SORCS2: variants seen among roughly 807,000 people sequenced by gnomAD.
SORCS2 encodes the protein VPS10 domain-containing receptor SorCS2.
A neutral mutation model predicts 141.6 loss-of-function variants in SORCS2; 100 were observed. That is an observed-to-expected ratio of 0.71 (90% CI 0.60 to 0.83). SORCS2 has a LOEUF of 0.83. SORCS2 is among the 40% of genes least tolerant of loss of function. The pLI is 0.00. For synonymous variants in SORCS2, 789 were observed against 676.9 expected (o/e 1.17, Z -2.57); for missense variants, 1,646 against 1,560.2 (o/e 1.05, Z -0.93).
chr4:7,683,035 G>C, intron 10 of SORCS2, 146 bp downstream of exon 10: 1 of 1,078,580 alleles, frequency 9.3e-7, no homozygotes, highest in Middle Eastern at 3.1e-4. Context: ...GTGGTAGAGA[G>C]GGTCAAATGA....
At chr4:7,309,351 A>T (rs761350178) in intron 1 of SORCS2, among the ~76,000 whole-genome samples, 18 of 152,084 alleles carry the variant, frequency 1.2e-4, no homozygotes, top group Non-Finnish European at 1.9e-4. Flanking sequence ...AGCTCTTTTT[A>T]TGTACCTGTA....
intron 2 of SORCS2, among the ~76,000 whole-genome samples, chr4:7,524,713 G>C (rs538229229): frequency 6.6e-6 from 1 of 151,738 alleles, no homozygotes; most frequent in Non-Finnish European, 1.5e-5. Flanking sequence ...CTCCTTAACC[G>C]CATCTCTCTT....
intron 1 of SORCS2, among the ~76,000 whole-genome samples, chr4:7,339,378 A>G (rs1720229531): frequency 6.6e-6 from 1 of 152,226 alleles, no homozygotes; most frequent in South Asian, 2.1e-4. Context: ...AGTCAGCCAC[A>G]GCTGCGTAAC....
At chr4:7,412,780 C>T (rs762228316) in intron 2 of SORCS2, among the ~76,000 whole-genome samples, 1 of 152,170 alleles carries the variant, frequency 6.6e-6, no homozygotes, top group East Asian at 1.9e-4. Flanking sequence ...CTCAGCTGTC[C>T]TTTCCCCATG....
At chr4:7,607,356 G>GAGGT (rs1247767050) in intron 3 of SORCS2, among the ~76,000 whole-genome samples, 1 of 152,180 alleles carries the variant, frequency 6.6e-6, no homozygotes, top group Non-Finnish European at 1.5e-5. Context: ...TCCTCCTGGG[G>GAGGT]AGGTGGAGAG....
rs1727018292 is a variant in SORCS2, at chr4:7,193,938, T to C, written c.480+812T>C. Among the ~76,000 whole-genome samples the C allele has an allele frequency of 6.6e-6, 1 of 152,044 alleles. No individual in the cohort carries two copies. The highest frequency in any genetic ancestry group is 1.5e-5 in the Non-Finnish European group (1 of 67,994). Reference sequence around the variant, plus strand: ...TTCCCAAATCCTGCCTCCTCTGGCCTTTGGTGGTGCATGCAGGAGGCAGAG... The same window carrying C: ...TTCCCAAATCCTGCCTCCTCTGGCCCTTGGTGGTGCATGCAGGAGGCAGAG... On this transcript the variant is annotated intron_variant, in intron 1 of 26. Transcript: ENST00000507866. The surrounding 1 kb of genome is among the most constrained non-coding windows in gnomAD (Gnocchi z 4.8).
chr4:7,404,129 G>A (rs889995189), intron 2 of SORCS2, among the ~76,000 whole-genome samples: 9 of 151,304 alleles, frequency 5.9e-5, no homozygotes, highest in African/African-American at 2.2e-4. Flanking sequence ...TTTCACTTAA[G>A]GTAACAACCT....
At chr4:7,682,426 G>T (rs1211911593) in intron 9 of SORCS2, among the ~76,000 whole-genome samples, 1 of 152,208 alleles carries the variant, frequency 6.6e-6, no homozygotes, top group East Asian at 1.9e-4. Context: ...GGACAGGCAG[G>T]TCAGGGCTCC....
chr4:7,243,225 A>C (rs1006713413), intron 1 of SORCS2, among the ~76,000 whole-genome samples: 6 of 152,164 alleles, frequency 3.9e-5, no homozygotes, highest in Non-Finnish European at 8.8e-5. Context: ...TGAGCTATAG[A>C]AATGGCAAGG....
chr4:7,519,687 T>C (rs4689136), intron 2 of SORCS2, among the ~76,000 whole-genome samples: 2,539 of 152,346 alleles, frequency 0.017, 122 homozygotes, highest in East Asian at 0.11. Flanking sequence ...AGCAACCTGC[T>C]TCCTTAGCCA....
intron 1 of SORCS2, among the ~76,000 whole-genome samples, chr4:7,330,053 C>A (rs1719550186): frequency 1.3e-5 from 2 of 151,762 alleles, no homozygotes; most frequent in African/African-American, 4.8e-5. Flanking sequence ...TCCCTTGCCT[C>A]CCCCAGCTTC....
chr4:7,738,869 C>T (rs980636066), intron 26 of SORCS2, among the ~76,000 whole-genome samples: 4 of 152,210 alleles, frequency 2.6e-5, no homozygotes, highest in Non-Finnish European at 5.9e-5. Context: ...CTCTGCCTCC[C>T]CTGCGCGCTC....
At chr4:7,689,451 T>A in intron 10 of SORCS2, 35 bp from the exon 11 acceptor site, 1 of 1,550,000 alleles carries the variant, frequency 6.5e-7, no homozygotes, top group Non-Finnish European at 8.7e-7. Context: ...CTCCTACTCA[T>A]GTGTTGACAG....
chr4:7,219,405 A>G (rs934871662), intron 1 of SORCS2, among the ~76,000 whole-genome samples: 2 of 152,170 alleles, frequency 1.3e-5, no homozygotes, highest in Admixed American at 1.3e-4. Context: ...GGGCACCCAG[A>G]TGATTCACTG....
At chr4:7,522,480 G>C (rs1733390242) in intron 2 of SORCS2, among the ~76,000 whole-genome samples, 1 of 152,142 alleles carries the variant, frequency 6.6e-6, no homozygotes, top group Non-Finnish European at 1.5e-5. Context: ...CTCCTGAGTT[G>C]CTGGGTGCAG....
intron 3 of SORCS2, among the ~76,000 whole-genome samples, chr4:7,567,678 C>G (rs969549248): frequency 6.6e-6 from 1 of 152,172 alleles, no homozygotes; most frequent in Non-Finnish European, 1.5e-5. Context: ...GCACACTGCC[C>G]TCTTTGGAAG....
chr4:7,264,487 C>T (rs974108786), intron 1 of SORCS2, among the ~76,000 whole-genome samples: 3 of 151,978 alleles, frequency 2.0e-5, no homozygotes, highest in East Asian at 1.9e-4. Flanking sequence ...TGGACCCCGT[C>T]GAGTGTCTCC....
intron 2 of SORCS2, among the ~76,000 whole-genome samples, chr4:7,492,355 C>G (rs1731367704): frequency 6.6e-6 from 1 of 152,228 alleles, no homozygotes; most frequent in Non-Finnish European, 1.5e-5. Context: ...GCTTGTTTCA[C>G]TTAGCACCAT....
At chr4:7,293,705 C>T (rs549238480) in intron 1 of SORCS2, among the ~76,000 whole-genome samples, 2 of 152,332 alleles carry the variant, frequency 1.3e-5, no homozygotes, top group Admixed American at 1.3e-4. Context: ...CTTGGATTCT[C>T]TACTGGCGAT....
Sources: gnomAD v4.1 joint callset for allele counts (sites outside exome capture counted in the v4.1 genomes callset) on GRCh38, gnomAD v4.1.1 for gene constraint, Gnocchi (gnomAD v3.1) non-coding constraint, MANE v1.5 for transcripts, NCBI Gene and HGNC (gene_info 2026-07-23, HGNC 2026-07-21) for gene names.